WNK3: variants seen among roughly 807,000 people sequenced by gnomAD.
The protein encoded by WNK3 is WNK lysine deficient protein kinase 3.
Under a neutral mutation model 116.7 loss-of-function variants are expected in WNK3, and 18 were observed. The observed-to-expected ratio is 0.15, with a 90% CI of 0.11 to 0.23. The LOEUF is 0.23. WNK3 is among the 10% of genes least tolerant of loss of function. The pLI, the probability that WNK3 is intolerant of heterozygous loss-of-function variation, is 1.00. For missense variants in WNK3, 993 were observed against 1,323.8 expected (o/e 0.75, Z 3.88); for synonymous variants, 404 against 469.4 (o/e 0.86, Z 1.80).
chrX:54,337,042 A>C (rs1292824094), intron 1 of WNK3, among the ~76,000 whole-genome samples: 1 of 110,563 alleles, frequency 9.0e-6, no homozygotes, highest in Non-Finnish European at 1.9e-5. Context: ...ATTCTGAAAT[A>C]ATTTTTGACT....
At chrX:54,341,982 C>A (rs2069331844) in intron 1 of WNK3, among the ~76,000 whole-genome samples, 1 of 112,162 alleles carries the variant, frequency 8.9e-6, no homozygotes, top group African/African-American at 3.2e-5. Context: ...TGGCCAGGGC[C>A]AGTGGCTAAC....
At chrX:54,222,906 A>AATTATAGTATAGTATAGT (rs2067781689) in intron 22 of WNK3, among the ~76,000 whole-genome samples, 1 of 87,156 alleles carries the variant, frequency 1.1e-5, no homozygotes, top group Non-Finnish European at 2.1e-5. Flanking sequence ...TAATAATAAT[A>AATTATAGTATAGTATAGT]ATAATAATAA....
intron 2 of WNK3, 94 bp from the exon 3 acceptor site, chrX:54,311,385 A>G: frequency 4.8e-6 from 3 of 623,591 alleles, no homozygotes; most frequent in Non-Finnish European, 7.5e-6. Context: ...GCATATATGC[A>G]TGGATGTGTA....
At chrX:54,321,793 C>G (rs1178595038) in intron 2 of WNK3, among the ~76,000 whole-genome samples, 2 of 109,552 alleles carry the variant, frequency 1.8e-5, no homozygotes, top group African/African-American at 6.6e-5. Context: ...AACCCCATCT[C>G]TACTAAAAAT....
chrX:54,278,402 A>G (rs1557161524), intron 10 of WNK3, among the ~76,000 whole-genome samples: 1 of 109,211 alleles, frequency 9.2e-6, no homozygotes, highest in African/African-American at 3.4e-5. Context: ...ATGGAAAAAC[A>G]GAAATCCAGA....
At chrX:54,205,045 G>A (rs910048524) in intron 22 of WNK3, among the ~76,000 whole-genome samples, 5 of 111,625 alleles carry the variant, frequency 4.5e-5, no homozygotes, top group African/African-American at 9.8e-5. Context: ...GTGAAACCCC[G>A]TCTCTACCAA....
intron 2 of WNK3, among the ~76,000 whole-genome samples, chrX:54,326,274 T>C (rs1416190135): frequency 9.0e-6 from 1 of 110,640 alleles, no homozygotes; most frequent in Non-Finnish European, 1.9e-5. Flanking sequence ...GTATTTTTAG[T>C]AGAGACGAGA....
intron 2 of WNK3, among the ~76,000 whole-genome samples, chrX:54,320,242 C>T (rs2069013694): frequency 9.0e-6 from 1 of 111,234 alleles, no homozygotes; most frequent in African/African-American, 3.3e-5. Flanking sequence ...GGCACAATAC[C>T]AGTATGACCA....
rs782692764 is a variant in WNK3, at chrX:54,237,283, G to A, written c.4283C>T (p.Thr1428Ile). 4.9e-6 allele frequency: 6 copies of A among 1,212,212 alleles called. No homozygotes were observed. In the South Asian group the frequency reaches 1.1e-4, roughly 21 times the overall value. The change falls in exon 20 of 24, where the codon ACT becomes ATT. Residue 1428 changes from threonine to isoleucine, a missense_variant. Transcript: ENST00000354646. Reference sequence around the variant, plus strand: ...TTCTGGGGTCACTGAAGATACATCAGTCTCACAAGCTGCGCTGAAAGATAA... The same window carrying A: ...TTCTGGGGTCACTGAAGATACATCAATCTCACAAGCTGCGCTGAAAGATAA...
rs186234219 is a variant in WNK3, at chrX:54,315,904, C to G, written c.538-4613G>C. Among the ~76,000 whole-genome samples the G allele has an allele frequency of 4.5e-5, 5 of 111,064 alleles. No homozygotes were observed. The East Asian group carries it at 1.4e-3, about 31-fold the overall frequency. Reference sequence around the variant, plus strand: ...TAACAACTAACATCTTGTTAGACATCGAGGAAGTGTGTTTGCTCCTTATTC... The same window carrying G: ...TAACAACTAACATCTTGTTAGACATGGAGGAAGTGTGTTTGCTCCTTATTC... On this transcript the variant is annotated intron_variant, in intron 2 of 23. Coordinates refer to ENST00000354646, the Ensembl canonical transcript of WNK3.
chrX:54,305,183 A>G (rs1346431805), intron 5 of WNK3, among the ~76,000 whole-genome samples: 3 of 110,777 alleles, frequency 2.7e-5, no homozygotes, highest in Non-Finnish European at 5.7e-5. Flanking sequence ...GAGCAAAAAA[A>G]AGCCAAAGCA....
rs782445484 is a variant in WNK3, at chrX:54,305,669, AG to A, written c.1089+2252del. Among the ~76,000 whole-genome samples, 107 of 110,747 alleles carry A rather than the reference AG, an allele frequency of 9.7e-4. No individual in the cohort carries two copies. In the Middle Eastern group the frequency reaches 0.014, roughly 14 times the overall value. On this transcript the variant is annotated intron_variant, in intron 5 of 23. Coordinates refer to ENST00000354646, the Ensembl canonical transcript of WNK3. ...GGGGTCAAAACCCACCATTATCAGT[AG>A]CTGCGGGAAGTTGGGCAAGGTACAA...
At chrX:54,349,990 T>C (rs1557178263) in intron 1 of WNK3, among the ~76,000 whole-genome samples, 2 of 112,287 alleles carry the variant, frequency 1.8e-5, no homozygotes, top group African/African-American at 6.5e-5. Flanking sequence ...AAAATGGCAT[T>C]TCAAATTTGT....
chrX:54,221,663 T>A (rs1419080158), intron 22 of WNK3, among the ~76,000 whole-genome samples: 4 of 109,197 alleles, frequency 3.7e-5, no homozygotes, highest in Non-Finnish European at 7.6e-5. Flanking sequence ...TGAAACCCCA[T>A]CTCTACTAAA....
intron 23 of WNK3, among the ~76,000 whole-genome samples, chrX:54,199,172 C>T (rs989548756): frequency 9.1e-6 from 1 of 109,896 alleles, no homozygotes; most frequent in African/African-American, 3.3e-5. Context: ...TGTGATCTTC[C>T]CCTACCAAAG....
At chrX:54,301,109 G>A (rs1273684153) in intron 6 of WNK3, among the ~76,000 whole-genome samples, 3 of 108,663 alleles carry the variant, frequency 2.8e-5, no homozygotes, top group African/African-American at 1.0e-4. Flanking sequence ...CAGGTGTGAT[G>A]GCATGCACCT....
chrX:54,345,912 G>A (rs782373956), intron 1 of WNK3, among the ~76,000 whole-genome samples: 12 of 109,780 alleles, frequency 1.1e-4, no homozygotes, highest in Non-Finnish European at 2.1e-4. Flanking sequence ...AACACAGATC[G>A]TTTTCTGTGT....
At chrX:54,333,619 C>T in exon 2 of WNK3, 1 of 1,204,435 alleles carries the variant, frequency 8.3e-7, no homozygotes, top group Non-Finnish European at 1.1e-6. Flanking sequence ...AATGAAATTC[C>T]ATCAGGTTTC....
At chrX:54,231,363 A>AC (rs1182882764) in intron 21 of WNK3, among the ~76,000 whole-genome samples, 1 of 111,701 alleles carries the variant, frequency 9.0e-6, no homozygotes, top group Non-Finnish European at 1.9e-5. Context: ...GCTTCAAACA[A>AC]CACAAATTGA....
Sources: gnomAD v4.1 joint callset for allele counts (sites outside exome capture counted in the v4.1 genomes callset) on GRCh38, gnomAD v4.1.1 for gene constraint, MANE v1.5 for transcripts, NCBI Gene and HGNC (gene_info 2026-07-23, HGNC 2026-07-21) for gene names.